Variants in CFAP77 observed in about 807,000 individuals in gnomAD.
The protein encoded by CFAP77 is cilia and flagella associated protein 77.
Under a neutral mutation model 31.1 loss-of-function variants are expected in CFAP77, and 25 were observed. The observed-to-expected ratio is 0.80, with a 90% CI of 0.59 to 1.12. The LOEUF is 1.12. CFAP77 is among the 50% of genes most tolerant of loss of function. The pLI, the probability that CFAP77 is intolerant of heterozygous loss-of-function variation, is 0.00. For synonymous variants in CFAP77, 151 were observed against 159.9 expected (o/e 0.94, Z 0.42); for missense variants, 377 against 397.3 (o/e 0.95, Z 0.44).
At position 132,537,654 on chromosome 9, in the gene CFAP77, T is replaced by C. The variant is rs1405361696; in HGVS notation, c.578T>C (p.Val193Ala). 6.2e-7 allele frequency: 1 copy of C among 1,613,142 alleles called. No individual in the cohort carries two copies. The highest frequency in any genetic ancestry group is 1.1e-5 in the South Asian group (1 of 90,870). The change falls in exon 4 of 6, where the codon GTA (valine) becomes GCA (alanine). Residue 193 changes from valine (V) to alanine (A), a missense_variant. Physicochemically the swap from Val to Ala is moderately conservative, Grantham distance 64 (BLOSUM62 0). Coordinates refer to ENST00000393216, the MANE Select transcript of CFAP77 (RefSeq NM_001282957.2). ...CAGCACCGGTACCTGCAGCTGTGGG[T>C]ACAGGAACAAAAGGCCACCCAGAAA... is the stretch of plus-strand genomic sequence containing the variant. ...LLQHRYLQLW[V>A]QEQKATQKAI...
At chr9:132,471,867 G>A (rs1851265725) in intron 1 of CFAP77, among the ~76,000 whole-genome samples, 1 of 151,992 alleles carries the variant, frequency 6.6e-6, no homozygotes, top group Non-Finnish European at 1.5e-5. Context: ...ACCACGCCTG[G>A]TTAATTTTTG....
chr9:132,519,815 GAT>G, intron 3 of CFAP77, among the ~76,000 whole-genome samples: 1 of 25,336 alleles, frequency 3.9e-5, no homozygotes, highest in African/African-American at 4.0e-4. Flanking sequence ...TGGGTGGGTG[GAT>G]GGATGGATGG....
intron 1 of CFAP77, among the ~76,000 whole-genome samples, chr9:132,489,997 T>C (rs897886816): frequency 6.6e-6 from 1 of 152,206 alleles, no homozygotes; most frequent in Non-Finnish European, 1.5e-5. Flanking sequence ...TTCTAGGGGC[T>C]GGGAGTTCCA....
At chr9:132,506,620 T>C (rs1182901889) in intron 3 of CFAP77, among the ~76,000 whole-genome samples, 2 of 151,962 alleles carry the variant, frequency 1.3e-5, no homozygotes, top group African/African-American at 2.4e-5. Flanking sequence ...TGCGCATCAG[T>C]GTCTCACATG....
rs377677587 is a variant in CFAP77, at chr9:132,470,957, G to A, written c.196-27738G>A. Among the ~76,000 whole-genome samples the A allele has an allele frequency of 8.5e-5, 13 of 152,204 alleles. No homozygotes were observed. The East Asian group carries it at 9.6e-4, about 11-fold the overall frequency. On this transcript the variant is annotated intron_variant, in intron 1 of 5. Transcript: ENST00000393216. Reference sequence around the variant, plus strand: ...CGGGCCACTGCACTCCAGCCTGAGCGACAGAGTGAGACTCTGTTTCAAAAA... The same window carrying A: ...CGGGCCACTGCACTCCAGCCTGAGCAACAGAGTGAGACTCTGTTTCAAAAA...
Position 132,517,055 on chromosome 9 carries a change from C to A in CFAP77, c.524+17455C>A, listed in dbSNP as rs11243810. Among the ~76,000 whole-genome samples the A allele has an allele frequency of 0.13, 19,663 of 152,140 alleles. 1,560 individuals are homozygous for A. Among genetic ancestry groups the A allele is most frequent in the East Asian group, 0.2 (1,044 of 5,154 alleles). On this transcript the variant is annotated intron_variant, in intron 3 of 5. Transcript: ENST00000393216. The surrounding 1 kb of genome is among the most constrained non-coding windows in gnomAD (Gnocchi z 4.7). ...AGAACACGAGGGCGGTCTTCAGAAACCCCATCCGGCAGGTGGAGAGGGTGG... is the reference window on the plus strand; with the variant it reads ...AGAACACGAGGGCGGTCTTCAGAAAACCCATCCGGCAGGTGGAGAGGGTGG...
intron 3 of CFAP77, among the ~76,000 whole-genome samples, chr9:132,504,632 G>T (rs879375971): frequency 6.6e-6 from 1 of 152,172 alleles, no homozygotes; most frequent in Non-Finnish European, 1.5e-5. Context: ...CTGATGTGAC[G>T]GGCAGCTCCG....
At chr9:132,460,202 C>T (rs1023949631) in intron 1 of CFAP77, among the ~76,000 whole-genome samples, 1 of 152,178 alleles carries the variant, frequency 6.6e-6, no homozygotes, top group Non-Finnish European at 1.5e-5. Flanking sequence ...TCCAGCCCTT[C>T]CCCAGTTCCC....
intron 1 of CFAP77, among the ~76,000 whole-genome samples, chr9:132,448,177 GCACA>G (rs60650463): frequency 1.3e-5 from 2 of 151,034 alleles, no homozygotes; most frequent in South Asian, 2.1e-4. Flanking sequence ...ACGCACACAT[GCACA>G]CACACACACG....
intron 1 of CFAP77, among the ~76,000 whole-genome samples, chr9:132,436,552 C>T (rs1850507777): frequency 1.3e-5 from 2 of 152,170 alleles, no homozygotes; most frequent in Non-Finnish European, 2.9e-5. Flanking sequence ...TTCACTCTTG[C>T]TTCAACAAAG....
Position 132,525,533 on chromosome 9 carries a change from A to G in CFAP77, c.525-12068A>G, listed in dbSNP as rs191933706. On this transcript the variant is annotated intron_variant, in intron 3 of 5. Transcript: ENST00000393216. ...CAAAATTTCACATAACTAGATTGCA[A>G]AATGAAAACCAAAAACTTGACATTG... 2.4e-3 allele frequency among the ~76,000 whole-genome samples: 358 copies of G among 152,306 alleles called. 1 individual carries two copies. In the Middle Eastern group the frequency reaches 0.031, roughly 13 times the overall value.
At chr9:132,510,561 G>A (rs1852018848) in intron 3 of CFAP77, among the ~76,000 whole-genome samples, 1 of 152,210 alleles carries the variant, frequency 6.6e-6, no homozygotes, top group African/African-American at 2.4e-5. Flanking sequence ...ACATCCCACT[G>A]TGGCAAGGGA....
chr9:132,421,483 A>T (rs1850215351), intron 1 of CFAP77, among the ~76,000 whole-genome samples: 1 of 152,152 alleles, frequency 6.6e-6, no homozygotes, highest in Admixed American at 6.5e-5. Flanking sequence ...CTGGAGAGTG[A>T]CCCTGAAGCT....
intron 3 of CFAP77, among the ~76,000 whole-genome samples, chr9:132,516,708 T>C (rs1852153331): frequency 6.6e-6 from 1 of 152,120 alleles, no homozygotes; most frequent in African/African-American, 2.4e-5. Flanking sequence ...ATTCTACAGT[T>C]ACCATTGGGG....
chr9:132,529,520 C>A (rs151282823), intron 3 of CFAP77, among the ~76,000 whole-genome samples: 2,449 of 122,942 alleles, frequency 0.02, 153 homozygotes, highest in African/African-American at 0.062. Context: ...AAAAAAAAAA[C>A]AAAAAAAAAA....
At chr9:132,494,496 C>T (rs1360822800) in intron 1 of CFAP77, among the ~76,000 whole-genome samples, 2 of 152,174 alleles carry the variant, frequency 1.3e-5, no homozygotes, top group African/African-American at 4.8e-5. Flanking sequence ...CTACGATGGC[C>T]ACTTGGGTTG....
intron 5 of CFAP77, among the ~76,000 whole-genome samples, chr9:132,562,439 T>G (rs989079394): frequency 6.6e-6 from 1 of 152,246 alleles, no homozygotes; most frequent in African/African-American, 2.4e-5. Flanking sequence ...ACACATATGC[T>G]GGAGCTAAAC....
intron 3 of CFAP77, among the ~76,000 whole-genome samples, chr9:132,530,648 G>GT (rs1487830699): frequency 1.3e-5 from 2 of 151,968 alleles, no homozygotes; most frequent in African/African-American, 4.8e-5. Context: ...AGTTTTGAGA[G>GT]TTTTTTATTC....
rs1044849945 is a variant in CFAP77 at position 132,517,700 on chromosome 9, A to G, written c.524+18100A>G. Among the ~76,000 whole-genome samples the G allele has an allele frequency of 2.0e-5, 3 of 152,240 alleles. No homozygotes were observed. The highest frequency in any genetic ancestry group is 2.9e-5 in the Non-Finnish European group (2 of 68,042). On this transcript the variant is annotated intron_variant, in intron 3 of 5. Transcript: ENST00000393216. This position sits in a 1 kb window ranked among gnomAD's most constrained non-coding sequence, Gnocchi z 4.7. Reference sequence around the variant, plus strand: ...TGCCATGAAAGGGCCCCTCTAATCCACAGAGCACTCCTGGCAGAGCGGAGC... The same window carrying G: ...TGCCATGAAAGGGCCCCTCTAATCCGCAGAGCACTCCTGGCAGAGCGGAGC...
Sources: gnomAD v4.1 joint callset for allele counts (sites outside exome capture counted in the v4.1 genomes callset) on GRCh38, gnomAD v4.1.1 for gene constraint, Gnocchi (gnomAD v3.1) non-coding constraint, MANE v1.5 for transcripts, NCBI Gene and HGNC (gene_info 2026-07-23, HGNC 2026-07-21) for gene names.